The following GNL3L variants were observed in gnomAD, a reference collection of about 807,000 sequenced individuals.
The protein encoded by GNL3L is guanine nucleotide-binding protein-like 3-like protein.
A neutral mutation model predicts 42.9 loss-of-function variants in GNL3L; 4 were observed. The ratio of observed to expected loss-of-function variants is 0.09; its 90% CI spans 0.05 to 0.21. The LOEUF is 0.21. Ranked by LOEUF, GNL3L falls within the 10% of genes least tolerant of loss-of-function variation. The pLI is 1.00. For missense variants in GNL3L, 412 were observed against 481.7 expected (o/e 0.86, Z 1.36); for synonymous variants, 159 against 176.3 (o/e 0.90, Z 0.78).
chrX:54,567,859 T>C (rs1283281070), downstream of GNL3L, among the ~76,000 whole-genome samples: 1 of 111,966 alleles, frequency 8.9e-6, no homozygotes, highest in Non-Finnish European at 1.9e-5. Flanking sequence ...GGTTTTTCTT[T>C]TGTGGTTTGT....
chrX:54,551,016 G>A lies in GNL3L; in HGVS notation c.829G>A (p.Ala277Thr), dbSNP rs142203245. The A allele has an allele frequency of 6.9e-6, 8 of 1,154,363 alleles. No homozygotes were observed. Among genetic ancestry groups the A allele is most frequent in the East Asian group, 6.0e-5 (2 of 33,611 alleles). The change falls in exon 10 of 16, where the codon GCA (alanine) becomes ACA (threonine). Residue 277 changes from alanine (A) to threonine (T), a missense_variant. Coordinates refer to ENST00000360845, the MANE Select transcript of GNL3L (RefSeq NM_001184819.2). ...SLINSLKRSR[A>T]CSVGAVPGIT... ...GATCAATAGCCTGAAGCGCAGCCGCGCATGCAGCGTGGGAGCTGTTCCTGG... is the reference window on the plus strand; with the variant it reads ...GATCAATAGCCTGAAGCGCAGCCGCACATGCAGCGTGGGAGCTGTTCCTGG...
At chrX:54,619,023 G>A (rs185388464) in intron 16 of GNL3L, among the ~76,000 whole-genome samples, 1 of 111,986 alleles carries the variant, frequency 8.9e-6, no homozygotes, top group Admixed American at 9.5e-5. Context: ...GTTAGTGAGG[G>A]GAAATGGACA....
the GNL3L span, among the ~76,000 whole-genome samples, chrX:54,634,561 C>T: frequency 9.0e-6 from 1 of 110,656 alleles, no homozygotes; most frequent in Non-Finnish European, 1.9e-5. Context: ...TCATTGCAAC[C>T]TCCACCTCCT....
chrX:54,578,532 T>C (rs1925665230), intron 16 of GNL3L, among the ~76,000 whole-genome samples: 1 of 112,424 alleles, frequency 8.9e-6, no homozygotes, highest in African/African-American at 3.2e-5. Flanking sequence ...AGTTTTGCCA[T>C]TTTCAGAATG....
At position 54,607,068 on chromosome X, in the gene GNL3L, CTTTCTCTTTCTTTCTTCTTTCTTTCTT is replaced by C. The variant is rs1569542624; in HGVS notation, c.*46-13775_*46-13749del. Among the ~76,000 whole-genome samples the C allele has an allele frequency of 1.7e-3, 61 of 36,053 alleles. 1 individual carries two copies. The highest frequency in any genetic ancestry group is 7.2e-3 in the African/African-American group (49 of 6,783). 31.3% of individuals were successfully genotyped at this position (36,053 alleles called of 115,157 possible). A position where few individuals can be genotyped will look rare whatever the true frequency, so the allele number is the denominator to read the frequency against. On this transcript the variant is annotated intron_variant, in intron 16 of 16. Coordinates refer to the GNL3L transcript ENST00000674498. ...TCTTTCTTTCTTTCTTTCTTTCTTT[CTTTCTCTTTCTTTCTTCTTTCTTTCTT>C]TCTTTCTTTCTTTCTTTCTTTCTTT...
At chrX:54,539,385 C>T (rs976768193) in intron 3 of GNL3L, among the ~76,000 whole-genome samples, 2 of 111,423 alleles carry the variant, frequency 1.8e-5, no homozygotes, top group Non-Finnish European at 3.8e-5. Context: ...TTCAAGGTAA[C>T]GCAACTGGGA....
At chrX:54,630,952 G>A in the GNL3L span, among the ~76,000 whole-genome samples, 8 of 106,038 alleles carry the variant, frequency 7.5e-5, no homozygotes, top group Admixed American at 1.0e-4. Context: ...GATTACAGGC[G>A]TCCATCACCA....
At chrX:54,604,687 G>A (rs1248027182) in intron 16 of GNL3L, among the ~76,000 whole-genome samples, 2 of 111,541 alleles carry the variant, frequency 1.8e-5, no homozygotes, top group African/African-American at 6.5e-5. Context: ...AACAAAACAG[G>A]TGAGAATTTA....
At chrX:54,611,348 T>A (rs1926159396) in intron 16 of GNL3L, among the ~76,000 whole-genome samples, 1 of 111,901 alleles carries the variant, frequency 8.9e-6, no homozygotes, top group African/African-American at 3.2e-5. Flanking sequence ...TCAATTTCAT[T>A]TAGTTCTGCT....
chrX:54,626,388 C>T (rs919703241), downstream of GNL3L, among the ~76,000 whole-genome samples: 3 of 111,828 alleles, frequency 2.7e-5, no homozygotes, highest in Non-Finnish European at 3.8e-5. Context: ...GAGTAGTATT[C>T]TATTGTGTAT....
the GNL3L span, among the ~76,000 whole-genome samples, chrX:54,638,755 A>G: frequency 8.9e-6 from 1 of 111,975 alleles, no homozygotes; most frequent in Non-Finnish European, 1.9e-5. Context: ...CGGCCTATAT[A>G]TAGCCCATTT....
chrX:54,542,856 A>G, intron 5 of GNL3L, 99 bp from the exon 6 acceptor site: 2 of 495,335 alleles, frequency 4.0e-6, no homozygotes, highest in East Asian at 7.4e-5. Context: ...CAGGACTCAC[A>G]TGATTTTTTA....
At chrX:54,624,838 C>CTT (rs34747156), downstream of GNL3L, among the ~76,000 whole-genome samples, 27,958 of 110,544 alleles carry the variant, frequency 0.25, 6,543 homozygotes, top group African/African-American at 0.76. Flanking sequence ...GTTCTAATCT[C>CTT]TTCATAAGAG....
chrX:54,576,239 A>T (rs1033897781), intron 16 of GNL3L, among the ~76,000 whole-genome samples: 2 of 111,983 alleles, frequency 1.8e-5, no homozygotes, highest in Non-Finnish European at 3.8e-5. Context: ...GTTCATGACA[A>T]ATTGACCTTT....
chrX:54,582,462 C>T (rs756873639), intron 16 of GNL3L, among the ~76,000 whole-genome samples: 188 of 112,305 alleles, frequency 1.7e-3, no homozygotes, highest in Non-Finnish European at 2.8e-3. Flanking sequence ...ACATTTTCAC[C>T]GACAATGTAT....
At position 54,565,365 on chromosome X, in the gene GNL3L, T is replaced by G. The variant is rs1411583292; in HGVS notation, c.*4763T>G. ...ATATGGTAAGCATATGTTTGACATT[T>G]TAAGAAACTTCTAAACTGTTTTTCA... On this transcript the variant is annotated 3_prime_UTR_variant, in exon 16 of 16. Coordinates refer to ENST00000360845, the MANE Select transcript of GNL3L (RefSeq NM_001184819.2). Among the ~76,000 whole-genome samples, 1 of 112,668 alleles carries G rather than the reference T, an allele frequency of 8.9e-6. No homozygotes were observed. Among genetic ancestry groups the G allele is most frequent in the Non-Finnish European group, 1.9e-5 (1 of 53,352 alleles).
rs1323442640 is a variant in GNL3L, at chrX:54,565,818, A to G, written c.*5216A>G. Reference sequence around the variant, plus strand: ...ATTTTGAGGATTATATGCTGGATACAGGGGTGTTTTTTTTTTTTTTTTTTT... The same window carrying G: ...ATTTTGAGGATTATATGCTGGATACGGGGGTGTTTTTTTTTTTTTTTTTTT... On this transcript the variant is annotated 3_prime_UTR_variant, in exon 16 of 16. Coordinates refer to ENST00000360845, the MANE Select transcript of GNL3L (RefSeq NM_001184819.2). 2.0e-5 allele frequency among the ~76,000 whole-genome samples: 2 copies of G among 99,598 alleles called. No individual in the cohort carries two copies. The highest frequency in any genetic ancestry group is 3.9e-5 in the Non-Finnish European group (2 of 50,764). The allele number at this position is 99,598 out of a possible 115,157, so 86.5% of individuals were successfully genotyped here.
intron 4 of GNL3L, among the ~76,000 whole-genome samples, chrX:54,540,730 T>A (rs1327108878): frequency 9.0e-6 from 1 of 111,167 alleles, no homozygotes; most frequent in African/African-American, 3.3e-5. Context: ...TGATCTCGAT[T>A]CACTGCAACC....
intron 16 of GNL3L, among the ~76,000 whole-genome samples, chrX:54,574,079 C>A (rs1276348979): frequency 1.8e-5 from 2 of 111,597 alleles, no homozygotes; most frequent in Non-Finnish European, 3.8e-5. Flanking sequence ...TGGATCATAT[C>A]ATCTGTGAAT....
Sources: gnomAD v4.1 joint callset for allele counts (sites outside exome capture counted in the v4.1 genomes callset) on GRCh38, gnomAD v4.1.1 for gene constraint, MANE v1.5 for transcripts, NCBI Gene and HGNC (gene_info 2026-07-23, HGNC 2026-07-21) for gene names.